Variants in AMPH observed in about 807,000 individuals in gnomAD.
The protein encoded by AMPH is amphiphysin, also known as amphiphysin (Stiff-Mann syndrome with breast cancer 128kD autoantigen).
AMPH carries 49 observed loss-of-function variants against 99.1 expected under a neutral mutation model. The ratio of observed to expected loss-of-function variants is 0.49; its 90% confidence interval spans 0.39 to 0.63. The LOEUF (loss-of-function observed/expected upper bound fraction) is 0.63, where lower values mean the gene tolerates loss of function less well. Among genes scored for constraint, AMPH ranks in the 20% least tolerant of loss-of-function variants. The probability of loss-of-function intolerance (pLI) is 0.00; values close to 1 mark genes in which losing one functional copy is unlikely to be tolerated. For synonymous variants in AMPH, 314 were observed against 317.3 expected, an observed-to-expected ratio of 0.99 and a Z score of 0.11; for missense variants, 759 against 863.4, an observed-to-expected ratio of 0.88 and a Z score of 1.52.
At chr7:38,447,778 AC>A (rs1491464095) in intron 11 of AMPH, among the ~76,000 whole-genome samples, 6 of 148,382 alleles carry the variant, frequency 4.0e-5, no homozygotes, top group African/African-American at 1.5e-4. Context: ...ACACACACAC[AC>A]CCATACACAA....
At position 38,484,290 on chromosome 7, in the gene AMPH, C is replaced by T. The variant is rs368312575; in HGVS notation, c.396+6760G>A. On this transcript the variant is annotated intron_variant, in intron 5 of 20. Coordinates refer to ENST00000356264, the MANE Select transcript of AMPH (RefSeq NM_001635.4). ...CCAAAAACTCCAAATAAAATGAACC[C>T]CTAAAAGTCTACACAGGGACACATT... 2.6e-5 allele frequency among the ~76,000 whole-genome samples: 4 copies of T among 151,678 alleles called. No homozygotes were observed. In the East Asian group the frequency reaches 7.7e-4, roughly 29 times the overall value.
chr7:38,401,454 T>A (rs1784838404), intron 17 of AMPH, among the ~76,000 whole-genome samples: 1 of 152,236 alleles, frequency 6.6e-6, no homozygotes, highest in Admixed American at 6.5e-5. Context: ...TCCAGTCAAT[T>A]GCAATATAGC....
At chr7:38,445,066 T>C (rs1786718006) in intron 11 of AMPH, among the ~76,000 whole-genome samples, 1 of 146,574 alleles carries the variant, frequency 6.8e-6, no homozygotes, top group African/African-American at 2.5e-5. Flanking sequence ...TATATACATA[T>C]ATATATACAC....
chr7:38,594,398 G>A (rs1298920954), intron 1 of AMPH, among the ~76,000 whole-genome samples: 1 of 152,276 alleles, frequency 6.6e-6, no homozygotes, highest in East Asian at 1.9e-4. Flanking sequence ...CCAGCTGTTT[G>A]GAGGACAGCA....
intron 5 of AMPH, 123 bp from the exon 6 acceptor site, chr7:38,477,092 T>A (rs929682597): frequency 2.8e-6 from 2 of 726,616 alleles, no homozygotes; most frequent in South Asian, 1.7e-5. Context: ...GAGATCAAGA[T>A]GGGCTGGAGT....
chr7:38,623,961 G>A (rs952875394), intron 1 of AMPH, among the ~76,000 whole-genome samples: 2 of 152,162 alleles, frequency 1.3e-5, no homozygotes, highest in African/African-American at 4.8e-5. Context: ...ACATGATTCA[G>A]CCTAATATTT....
At chr7:38,424,043 A>G (rs1204343400) in intron 15 of AMPH, among the ~76,000 whole-genome samples, 1 of 152,116 alleles carries the variant, frequency 6.6e-6, no homozygotes, top group African/African-American at 2.4e-5. Flanking sequence ...CACCTCCATT[A>G]CACTAGTAGT....
rs755281960 is a variant in AMPH, at chr7:38,463,136, G to A, written c.750-23C>T. 8 of 1,613,798 alleles carry A rather than the reference G, an allele frequency of 5.0e-6. No individual in the cohort carries two copies. In the African/African-American group the frequency reaches 8.0e-5, roughly 16 times the overall value. On this transcript the variant is annotated intron_variant, in intron 9 of 20. Transcript: ENST00000356264. ...TCACTAGAGGAACACAGGGGATTGG[G>A]CAAGGGGCCTTCTCAAGAACAGTAT...
intron 11 of AMPH, among the ~76,000 whole-genome samples, chr7:38,447,428 T>G (rs1786830135): frequency 6.6e-6 from 1 of 152,226 alleles, no homozygotes; most frequent in South Asian, 2.1e-4. Context: ...TACTTTTTGC[T>G]TCTCTGTAAT....
At chr7:38,536,037 G>A (rs1790585774) in intron 1 of AMPH, among the ~76,000 whole-genome samples, 1 of 152,014 alleles carries the variant, frequency 6.6e-6, no homozygotes, top group Non-Finnish European at 1.5e-5. Context: ...GAAATCATGG[G>A]ATACTCAAGG....
At chr7:38,501,111 C>A (rs954579901) in intron 3 of AMPH, among the ~76,000 whole-genome samples, 2 of 152,148 alleles carry the variant, frequency 1.3e-5, no homozygotes, top group Non-Finnish European at 2.9e-5. Flanking sequence ...AAACACAGAA[C>A]GAAATATGCA....
intron 1 of AMPH, among the ~76,000 whole-genome samples, chr7:38,593,723 G>A (rs1198441771): frequency 6.6e-6 from 1 of 152,210 alleles, no homozygotes; most frequent in Non-Finnish European, 1.5e-5. Context: ...TGGGGATACA[G>A]TAGTACAGTA....
At chr7:38,469,816 C>G (rs1266017344) in intron 7 of AMPH, among the ~76,000 whole-genome samples, 1 of 152,138 alleles carries the variant, frequency 6.6e-6, no homozygotes, top group Admixed American at 6.5e-5. Context: ...CTAGGGACCC[C>G]AGCATTCTAT....
intron 10 of AMPH, 71 bp downstream of exon 10, chr7:38,462,904 G>T (rs1787504309): frequency 6.9e-7 from 1 of 1,455,670 alleles, no homozygotes; most frequent in South Asian, 1.6e-5. Flanking sequence ...GGCACCGTGG[G>T]ATTATCCTAG....
intron 2 of AMPH, among the ~76,000 whole-genome samples, chr7:38,506,777 C>T (rs1789340367): frequency 6.6e-6 from 1 of 152,158 alleles, no homozygotes; most frequent in Admixed American, 6.5e-5. Flanking sequence ...ACTAAGCCAC[C>T]TCTTAAGAAG....
Position 38,429,823 on chromosome 7 carries a change from G to A in AMPH, c.1182+19C>T. 6.2e-7 allele frequency: 1 copy of A among 1,601,092 alleles called. No homozygotes were observed. The highest frequency in any genetic ancestry group is 1.3e-5 in the African/African-American group (1 of 74,248). ...ATCAAATACCAAAAAAATCCAGAAT[G>A]ATCTGGATATTTACCTACCGGCTGT... On this transcript the variant is annotated intron_variant, in intron 14 of 20. Transcript: ENST00000356264.
At chr7:38,456,915 C>A (rs553749487) in intron 11 of AMPH, among the ~76,000 whole-genome samples, 1 of 152,332 alleles carries the variant, frequency 6.6e-6, no homozygotes, top group South Asian at 2.1e-4. Context: ...TCCTTGTCCT[C>A]AGCAAAACTT....
chr7:38,462,237 G>A (rs909770892), intron 10 of AMPH, among the ~76,000 whole-genome samples: 1 of 152,146 alleles, frequency 6.6e-6, no homozygotes, highest in Non-Finnish European at 1.5e-5. Context: ...AAGGTAGGCT[G>A]GGCTAAGTCA....
intron 2 of AMPH, among the ~76,000 whole-genome samples, chr7:38,526,571 C>T (rs977985130): frequency 3.3e-5 from 5 of 151,884 alleles, no homozygotes; most frequent in East Asian, 1.9e-4. Context: ...CCACTGCACC[C>T]GGCCTCTATT....
Sources: allele counts gnomAD v4.1 joint callset (sites outside exome capture counted in the v4.1 genomes callset), GRCh38; gene constraint gnomAD v4.1.1; transcripts MANE v1.5; gene names NCBI Gene and HGNC (gene_info 2026-07-23, HGNC 2026-07-21).